The following TNMD variants were observed in gnomAD, a reference collection of about 807,000 sequenced individuals.
TNMD encodes the protein BRICHOS domain containing 4.
Under a neutral mutation model 26.9 loss-of-function variants are expected in TNMD, and 15 were observed. That is an observed-to-expected ratio of 0.56 (90% confidence interval 0.37 to 0.86). TNMD has a LOEUF of 0.86. TNMD is among the 40% of genes least tolerant of loss of function. TNMD has a pLI of 0.00. For missense variants in TNMD, 222 were observed against 242.6 expected (o/e 0.92, Z 0.56); for synonymous variants, 73 against 77.0 (o/e 0.95, Z 0.27).
chrX:100,593,406 G>C, intron 2 of TNMD: 1 of 744,971 alleles, frequency 1.3e-6, no homozygotes, highest in African/African-American at 2.3e-5. Flanking sequence ...GAGCAGGGTA[G>C]GGCTCTAATA....
chrX:100,588,738 CTT>C (rs2082929067), intron 2 of TNMD, among the ~76,000 whole-genome samples: 1 of 112,039 alleles, frequency 8.9e-6, no homozygotes, highest in Non-Finnish European at 1.9e-5. Context: ...AGTTTAGAAA[CTT>C]AGCACAGACC....
At position 100,585,345 on chromosome X, in the gene TNMD, C is replaced by A; in HGVS notation, c.163C>A (p.Pro55Thr). 1 of 1,209,492 alleles carries A rather than the reference C, an allele frequency of 8.3e-7. No homozygotes were observed. The highest frequency in any genetic ancestry group is 1.1e-6 in the Non-Finnish European group (1 of 894,694). ...VLFWGSKHFWPEVPKKAYDME... is the reference protein window; with the variant it reads ...VLFWGSKHFWTEVPKKAYDME... ...GTTTTGGGGGAGCAAGCACTTCTGG[C>A]CGGAGGTACCCAAAAAAGTAAGTAA... is the stretch of plus-strand genomic sequence containing the variant. The change falls in exon 2 of 7, where the codon CCG becomes ACG. Residue 55 changes from proline to threonine, a missense_variant. Physicochemically the swap from Pro to Thr is conservative, Grantham distance 38. Transcript: ENST00000373031.
At position 100,585,242 on chromosome X, in the gene TNMD, T is replaced by A. The variant is rs779753705; in HGVS notation, c.60T>A (p.Phe20Leu). The change falls in exon 2 of 7, where the codon TTT (phenylalanine) becomes TTA (leucine). Residue 20 changes from phenylalanine (F) to leucine (L), a missense_variant. Physicochemically the swap from Phe to Leu is conservative, Grantham distance 22. Coordinates refer to ENST00000373031, the MANE Select transcript of TNMD (RefSeq NM_022144.3). ...EDCHILNAEAFKSKKICKSLK... is the reference protein window; with the variant it reads ...EDCHILNAEALKSKKICKSLK... Reference sequence around the variant, plus strand: ...TGTTCTTTGGTTAGGCAGAAGCTTTTAAATCCAAGAAAATATGTAAATCAC... The same window carrying A: ...TGTTCTTTGGTTAGGCAGAAGCTTTAAAATCCAAGAAAATATGTAAATCAC... 1 of 1,210,004 alleles carries A rather than the reference T, an allele frequency of 8.3e-7. No individual in the cohort carries two copies.
intron 2 of TNMD, among the ~76,000 whole-genome samples, chrX:100,590,797 CA>C (rs1422379494): frequency 9.0e-6 from 1 of 111,710 alleles, no homozygotes. Flanking sequence ...CCCTTGCCCC[CA>C]AATATCTCCC....
At chrX:100,594,578 G>T (rs2082947695) in intron 4 of TNMD, among the ~76,000 whole-genome samples, 1 of 111,380 alleles carries the variant, frequency 9.0e-6, no homozygotes, top group Non-Finnish European at 1.9e-5. Flanking sequence ...GCAGATTGGG[G>T]TCTTGAACTT....
At chrX:100,589,327 C>T (rs756581792) in intron 2 of TNMD, among the ~76,000 whole-genome samples, 2 of 97,305 alleles carry the variant, frequency 2.1e-5, no homozygotes, top group South Asian at 1.1e-3. Context: ...GGCAGGGAGA[C>T]TGAGCTTTAC....
At position 100,592,510 on chromosome X, in the gene TNMD, G is replaced by T. The variant is rs545365420; in HGVS notation, c.181-1385G>T. Among the ~76,000 whole-genome samples, 5 of 111,993 alleles carry T rather than the reference G, an allele frequency of 4.5e-5. No individual in the cohort carries two copies. The South Asian group carries it at 1.9e-3, about 42-fold the overall frequency. On this transcript the variant is annotated intron_variant, in intron 2 of 6. Coordinates refer to ENST00000373031, the MANE Select transcript of TNMD (RefSeq NM_022144.3). Reference sequence around the variant, plus strand: ...TTAGGAAGATAAGGATGTGCCATTGGTGGGGACAACTTATTCAACAAATAC... The same window carrying T: ...TTAGGAAGATAAGGATGTGCCATTGTTGGGGACAACTTATTCAACAAATAC...
intron 2 of TNMD, among the ~76,000 whole-genome samples, chrX:100,589,091 G>A (rs967899703): frequency 1.8e-5 from 2 of 111,149 alleles, no homozygotes; most frequent in African/African-American, 6.5e-5. Flanking sequence ...CTTTCTTGAC[G>A]AGTCTGATTG....
At position 100,585,262 on chromosome X, in the gene TNMD, A is replaced by T. The variant is rs2082918751; in HGVS notation, c.80A>T (p.Lys27Ile). 8.3e-7 allele frequency: 1 copy of T among 1,208,420 alleles called. No individual in the cohort carries two copies. Among genetic ancestry groups the T allele is most frequent in the African/African-American group, 1.8e-5 (1 of 57,072 alleles). Residue 27 changes from lysine to isoleucine, a missense_variant, in exon 2 of 7, where the codon AAA becomes ATA. By Grantham distance (102) the Lys-to-Ile change is moderately radical. Coordinates refer to ENST00000373031, the MANE Select transcript of TNMD (RefSeq NM_022144.3). ...AEAFKSKKIC[K>I]SLKICGLVFG... is the part of the protein sequence containing the mutation. ...GCTTTTAAATCCAAGAAAATATGTA[A>T]ATCACTTAAGATTTGTGGACTGGTG...
intron 2 of TNMD, among the ~76,000 whole-genome samples, chrX:100,586,086 C>G (rs2082921400): frequency 8.9e-6 from 1 of 112,143 alleles, no homozygotes; most frequent in African/African-American, 3.2e-5. Flanking sequence ...TATTCCTGGG[C>G]TCATAGGCAA....
intron 2 of TNMD, among the ~76,000 whole-genome samples, chrX:100,588,824 C>T (rs1378642320): frequency 1.8e-5 from 2 of 111,499 alleles, no homozygotes; most frequent in African/African-American, 6.5e-5. Flanking sequence ...AAAGAGTGTC[C>T]TTACTGCCTT....
chrX:100,591,919 C>T (rs976123932), intron 2 of TNMD, among the ~76,000 whole-genome samples: 1 of 111,307 alleles, frequency 9.0e-6, no homozygotes, highest in African/African-American at 3.3e-5. Flanking sequence ...AAACTCATTC[C>T]ACAGAAGCAC....
rs776013474 is a variant in TNMD, at chrX:100,585,160, G to A, written c.49-71G>A. 150 of 1,173,593 alleles carry A rather than the reference G, an allele frequency of 1.3e-4. No individual in the cohort carries two copies. The African/African-American group carries it at 2.3e-3, about 18-fold the overall frequency. Reference sequence around the variant, plus strand: ...TGAACATTAGAAAGTGGAATCAAAGGTGACTTTGAATTATGGCTTGCTTAT... The same window carrying A: ...TGAACATTAGAAAGTGGAATCAAAGATGACTTTGAATTATGGCTTGCTTAT... On this transcript the variant is annotated intron_variant, in intron 1 of 6. Coordinates refer to ENST00000373031, the MANE Select transcript of TNMD (RefSeq NM_022144.3).
rs758731448 is a variant in TNMD at position 100,596,667 on chromosome X, T to C, written c.424-837T>C. On this transcript the variant is annotated intron_variant, in intron 4 of 6. Coordinates refer to ENST00000373031, the MANE Select transcript of TNMD (RefSeq NM_022144.3). ...AAAGCTAGTCAGCATACCAACCTCA[T>C]TTTATACAATTCCTTTCAATGCATC... Among the ~76,000 whole-genome samples, 8 of 111,856 alleles carry C rather than the reference T, an allele frequency of 7.2e-5. No homozygotes were observed. The South Asian group carries it at 2.6e-3, about 37-fold the overall frequency.
intron 5 of TNMD, among the ~76,000 whole-genome samples, chrX:100,598,717 T>C (rs1187938988): frequency 8.9e-6 from 1 of 112,564 alleles, no homozygotes; most frequent in Non-Finnish European, 1.9e-5. Context: ...AAATCATCAT[T>C]GTAGGAGATA....
In TNMD at chrX:100,599,000, G is replaced by T; in HGVS notation, c.578-16G>T. ...TGCAAAGCAGTTGCATCACAACTTT[G>T]CATTTATTATCTTAGTTTCTGAGTT... is the stretch of plus-strand genomic sequence containing the variant. On this transcript the variant is annotated splice_polypyrimidine_tract_variant and intron_variant, in intron 5 of 6. Transcript: ENST00000373031. 8.5e-7 allele frequency: 1 copy of T among 1,180,312 alleles called. No individual in the cohort carries two copies. The highest frequency in any genetic ancestry group is 1.8e-5 in the African/African-American group (1 of 56,807).
At chrX:100,585,168 G>C (rs1362429604) in intron 1 of TNMD, 63 bp from the exon 2 acceptor site, 11 of 1,185,339 alleles carry the variant, frequency 9.3e-6, no homozygotes, top group Non-Finnish European at 1.3e-5. Flanking sequence ...AGGTGACTTT[G>C]AATTATGGCT....
intron 1 of TNMD, 68 bp downstream of exon 1, chrX:100,585,134 G>A: frequency 8.5e-7 from 1 of 1,179,057 alleles, no homozygotes; most frequent in South Asian, 1.8e-5. Flanking sequence ...ATATTGCAAA[G>A]TGAACATTAG....
intron 2 of TNMD, among the ~76,000 whole-genome samples, chrX:100,592,193 G>A (rs2082939865): frequency 8.9e-6 from 1 of 111,958 alleles, no homozygotes; most frequent in Admixed American, 9.5e-5. Context: ...GAGCTGACAG[G>A]ACTGGATCTG....
Sources: gnomAD v4.1 joint callset for allele counts (sites outside exome capture counted in the v4.1 genomes callset) on GRCh38, gnomAD v4.1.1 for gene constraint, MANE v1.5 for transcripts, NCBI Gene and HGNC (gene_info 2026-07-23, HGNC 2026-07-21) for gene names.